GPC5: variants seen among roughly 807,000 people sequenced by gnomAD.
The protein encoded by GPC5 is glypican 5.
GPC5 carries 47 observed loss-of-function variants against 53.9 expected under a neutral mutation model. The ratio of observed to expected loss-of-function variants is 0.87; its 90% CI spans 0.69 to 1.11. The LOEUF (loss-of-function observed/expected upper bound fraction) is 1.11. Among genes scored for constraint, GPC5 ranks in the 50% most tolerant of loss-of-function variants. The probability of loss-of-function intolerance (pLI) is 0.00; values close to 1 mark genes in which losing one functional copy is unlikely to be tolerated. For synonymous variants in GPC5, 286 were observed against 263.3 expected (o/e 1.09, Z -0.84); for missense variants, 748 against 713.1 (o/e 1.05, Z -0.56).
chr13:91,460,221 C>T (rs553444968), intron 2 of GPC5, among the ~76,000 whole-genome samples: 98 of 151,920 alleles, frequency 6.5e-4, no homozygotes, highest in African/African-American at 2.3e-3. Context: ...CACATTTGCT[C>T]TTCTTATATG....
intron 5 of GPC5, among the ~76,000 whole-genome samples, chr13:91,780,651 G>T (rs1468093606): frequency 1.3e-5 from 2 of 152,092 alleles, no homozygotes; most frequent in African/African-American, 2.4e-5. Flanking sequence ...TTGCTATTTA[G>T]GGATGTTTCT....
intron 7 of GPC5, among the ~76,000 whole-genome samples, chr13:92,718,647 A>C (rs1888407872): frequency 6.6e-6 from 1 of 152,060 alleles, no homozygotes; most frequent in African/African-American, 2.4e-5. Flanking sequence ...TCACAACAAC[A>C]GGGTGACTAC....
At chr13:92,381,050 A>T (rs563539411) in intron 7 of GPC5, among the ~76,000 whole-genome samples, 61 of 152,196 alleles carry the variant, frequency 4.0e-4, no homozygotes, top group Non-Finnish European at 7.3e-4. Context: ...TTTAAATAGT[A>T]AGCTGTGTAA....
At chr13:92,582,766 G>A (rs776129572) in intron 7 of GPC5, among the ~76,000 whole-genome samples, 4 of 151,950 alleles carry the variant, frequency 2.6e-5, no homozygotes, top group Non-Finnish European at 5.9e-5. Flanking sequence ...TGTAAGTGGG[G>A]TTGTGGTCTT....
chr13:91,747,511 G>A (rs1479356245), intron 4 of GPC5, among the ~76,000 whole-genome samples: 1 of 152,200 alleles, frequency 6.6e-6, no homozygotes, highest in Non-Finnish European at 1.5e-5. Context: ...GCATTAGCCA[G>A]TGATTAGAAT....
intron 7 of GPC5, among the ~76,000 whole-genome samples, chr13:92,523,705 C>T (rs1432961514): frequency 6.6e-6 from 1 of 152,086 alleles, no homozygotes; most frequent in Non-Finnish European, 1.5e-5. Flanking sequence ...CAACCAACCA[C>T]ATTTCAACAA....
intron 7 of GPC5, among the ~76,000 whole-genome samples, chr13:92,478,473 C>G (rs1399652097): frequency 1.3e-5 from 2 of 152,096 alleles, no homozygotes; most frequent in African/African-American, 4.8e-5. Context: ...TTAAAGAGAG[C>G]CTGCCATCAC....
At chr13:91,896,501 G>A (rs1423862546) in intron 5 of GPC5, among the ~76,000 whole-genome samples, 2 of 152,156 alleles carry the variant, frequency 1.3e-5, no homozygotes, top group African/African-American at 4.8e-5. Flanking sequence ...AGGTTCCGAA[G>A]GGATAGAACT....
intron 5 of GPC5, among the ~76,000 whole-genome samples, chr13:91,861,860 A>T (rs979056597): frequency 6.6e-6 from 1 of 151,330 alleles, no homozygotes; most frequent in African/African-American, 2.4e-5. Flanking sequence ...GTCTTACAGT[A>T]ATTATCAATT....
At chr13:92,421,100 C>A (rs969920473) in intron 7 of GPC5, among the ~76,000 whole-genome samples, 1 of 152,168 alleles carries the variant, frequency 6.6e-6, no homozygotes, top group Non-Finnish European at 1.5e-5. Context: ...AATCAAATTT[C>A]TTTTTAACCC....
At chr13:92,354,709 G>A (rs927639674) in intron 7 of GPC5, among the ~76,000 whole-genome samples, 2 of 152,140 alleles carry the variant, frequency 1.3e-5, no homozygotes, top group African/African-American at 2.4e-5. Context: ...AATCATAACC[G>A]ATGAGATGGG....
intron 1 of GPC5, among the ~76,000 whole-genome samples, chr13:91,414,545 G>A (rs1878042681): frequency 6.6e-6 from 1 of 152,170 alleles, no homozygotes; most frequent in Non-Finnish European, 1.5e-5. Flanking sequence ...GTGACAGCAG[G>A]CCAGTGAAGT....
intron 7 of GPC5, among the ~76,000 whole-genome samples, chr13:92,685,544 A>ATTT (rs61560973): frequency 3.8e-5 from 4 of 105,614 alleles, no homozygotes; most frequent in Non-Finnish European, 5.6e-5. Flanking sequence ...AATTATGCTC[A>ATTT]TTTTTTTTTT....
In GPC5 at chr13:92,742,357, G is replaced by A. The variant is rs796248458; in HGVS notation, c.1562-123925G>A. The stretch of plus-strand genomic sequence containing the variant: ...CCAGTGATGGTGAGCATTTTTTCAT[G>A]TGTCTTTTGGCTGCATAAATGTCTT... On this transcript the variant is annotated intron_variant, in intron 7 of 7. Transcript: ENST00000377067. Among the ~76,000 whole-genome samples, 93 of 152,180 alleles carry A rather than the reference G, an allele frequency of 6.1e-4. No homozygotes were observed. In the South Asian group the frequency reaches 0.019, roughly 32 times the overall value.
chr13:92,471,621 T>C lies in GPC5; in HGVS notation c.1561+326632T>C, dbSNP rs528773823. Among the ~76,000 whole-genome samples the C allele has an allele frequency of 2.0e-3, 307 of 152,184 alleles. 1 individual carries two copies. Among genetic ancestry groups the C allele is most frequent in the Non-Finnish European group, 3.5e-3 (241 of 67,998 alleles). The stretch of plus-strand genomic sequence containing the variant: ...TAAATATGCATATATTATATATAAA[T>C]ACACATATACATATATATAGAGAGA... On this transcript the variant is annotated intron_variant, in intron 7 of 7. Transcript: ENST00000377067.
chr13:92,217,490 C>T (rs1028222895), intron 7 of GPC5, among the ~76,000 whole-genome samples: 2 of 152,140 alleles, frequency 1.3e-5, no homozygotes, highest in African/African-American at 4.8e-5. Context: ...TAGCCAGAAT[C>T]CCCCTTACTC....
intron 7 of GPC5, among the ~76,000 whole-genome samples, chr13:92,596,792 G>A (rs1594333719): frequency 6.6e-6 from 1 of 152,220 alleles, no homozygotes; most frequent in East Asian, 1.9e-4. Context: ...TAATTCTAAA[G>A]TCATAATATT....
intron 2 of GPC5, among the ~76,000 whole-genome samples, chr13:91,535,927 T>G: frequency 6.6e-6 from 1 of 152,200 alleles, no homozygotes; most frequent in Non-Finnish European, 1.5e-5. Context: ...AACATTGACA[T>G]CTTAAATAAA....
At chr13:92,340,323 G>T (rs2043355570) in intron 7 of GPC5, 1 of 152,088 alleles carries the variant, frequency 6.6e-6, no homozygotes, top group Non-Finnish European at 1.5e-5. Context: ...AGCCAAAAAT[G>T]AACATTAAGC....
Sources: gnomAD v4.1 joint callset for allele counts (sites outside exome capture counted in the v4.1 genomes callset) on GRCh38, gnomAD v4.1.1 for gene constraint, MANE v1.5 for transcripts, NCBI Gene and HGNC (gene_info 2026-07-23, HGNC 2026-07-21) for gene names.